The following USP32 variants were observed in gnomAD, a reference collection of about 807,000 sequenced individuals.
The protein encoded by USP32 is ubiquitin specific peptidase 32, also known as ubiquitin carboxyl-terminal hydrolase 32.
In USP32, 59 loss-of-function variants were observed where a neutral mutation model predicts 204.8. The ratio of observed to expected loss-of-function variants is 0.29; its 90% CI spans 0.23 to 0.36. The LOEUF is 0.36. USP32 is among the 10% of genes least tolerant of loss of function. USP32 has a pLI of 1.00. For synonymous variants in USP32, 517 were observed against 678.4 expected (o/e 0.76, Z 3.70); for missense variants, 1,160 against 1,946.4 (o/e 0.60, Z 7.60).
intron 1 of USP32, among the ~76,000 whole-genome samples, chr17:60,381,135 TATTAC>T (rs1451325033): frequency 6.6e-6 from 1 of 152,200 alleles, no homozygotes; most frequent in Non-Finnish European, 1.5e-5. Flanking sequence ...TAGTCCCATT[TATTAC>T]GTCAACATTT....
At chr17:60,392,765 G>A (rs1027749555), upstream of USP32, 7 of 320,108 alleles carry the variant, frequency 2.2e-5, no homozygotes, top group Non-Finnish European at 4.4e-5. Flanking sequence ...AGATCCCTGA[G>A]GAAAGTGGAC....
intron 22 of USP32, 22 bp from the exon 23 acceptor site, chr17:60,208,850 A>C: frequency 6.5e-7 from 1 of 1,536,092 alleles, no homozygotes; most frequent in Non-Finnish European, 8.7e-7. Context: ...AAAGATGAGA[A>C]TTTTCTCTCA....
At chr17:60,219,514 T>C (rs2085186381) in intron 16 of USP32, 156 bp downstream of exon 16, 1 of 940,922 alleles carries the variant, frequency 1.1e-6, no homozygotes, top group Non-Finnish European at 1.5e-6. Context: ...CTGATGGGAA[T>C]GTGTATCAAT....
intron 2 of USP32, among the ~76,000 whole-genome samples, chr17:60,306,999 G>A (rs936389367): frequency 1.3e-5 from 2 of 151,838 alleles, no homozygotes; most frequent in African/African-American, 4.8e-5. Context: ...TCTATAAAAG[G>A]AAAACTATAA....
At chr17:60,267,120 A>G (rs1395975049) in intron 7 of USP32, among the ~76,000 whole-genome samples, 2 of 150,796 alleles carry the variant, frequency 1.3e-5, no homozygotes, top group African/African-American at 4.9e-5. Context: ...AAAATATCCT[A>G]TTTACAGCTG....
chr17:60,377,612 T>G (rs1208305832), intron 1 of USP32, among the ~76,000 whole-genome samples: 1 of 152,240 alleles, frequency 6.6e-6, no homozygotes, highest in Non-Finnish European at 1.5e-5. Flanking sequence ...TATTAATGTT[T>G]GCTAATAAAT....
chr17:60,363,673 T>A (rs1047180566), intron 1 of USP32, among the ~76,000 whole-genome samples: 2 of 151,218 alleles, frequency 1.3e-5, no homozygotes, highest in Non-Finnish European at 2.9e-5. Context: ...TTTTTCAGGG[T>A]TTTTTGGTGG....
chr17:60,392,341 C>T, upstream of USP32: 2 of 285,316 alleles, frequency 7.0e-6, no homozygotes, highest in Non-Finnish European at 1.4e-5. Flanking sequence ...AAGCTAACCG[C>T]GCGCAGGAGC....
intron 2 of USP32, among the ~76,000 whole-genome samples, chr17:60,324,301 TA>T (rs2088180439): frequency 2.0e-5 from 3 of 150,416 alleles, no homozygotes; most frequent in African/African-American, 7.3e-5. Flanking sequence ...TATATATATA[TA>T]TTTTAATTAA....
chr17:60,368,780 A>G (rs2089370827), intron 1 of USP32, among the ~76,000 whole-genome samples: 1 of 152,158 alleles, frequency 6.6e-6, no homozygotes, highest in South Asian at 2.1e-4. Context: ...TGGCAACATT[A>G]TTAAGTTTTA....
chr17:60,185,374 C>A (rs1488593986), intron 30 of USP32, 86 bp downstream of exon 30: 5 of 1,456,314 alleles, frequency 3.4e-6, no homozygotes, highest in Non-Finnish European at 4.6e-6. Context: ...GTCTTATTCT[C>A]AAAAATAACA....
chr17:60,291,574 T>C (rs911556313), intron 4 of USP32, among the ~76,000 whole-genome samples: 3 of 150,656 alleles, frequency 2.0e-5, no homozygotes, highest in African/African-American at 7.4e-5. Flanking sequence ...TGTGTGTGTA[T>C]AAACACAAAA....
chr17:60,348,841 G>T (rs1285356365), intron 1 of USP32, among the ~76,000 whole-genome samples: 1 of 152,196 alleles, frequency 6.6e-6, no homozygotes, highest in Non-Finnish European at 1.5e-5. Context: ...TGGTAGGAAG[G>T]GGGGGTTCAT....
rs546144582 is a variant in USP32, at chr17:60,237,096, T to TA, written c.1137-857dup. Among the ~76,000 whole-genome samples the TA allele has an allele frequency of 7.6e-4, 111 of 145,824 alleles. 1 individual carries two copies. In the South Asian group the frequency reaches 0.013, roughly 17 times the overall value. Reference sequence around the variant, plus strand: ...GTGAAACACTGTTACACTGGGATTATAAAAAAAAAAATCTACTCTATCTAT... The same window carrying TA: ...GTGAAACACTGTTACACTGGGATTATAAAAAAAAAAAATCTACTCTATCTAT... On this transcript the variant is annotated intron_variant, in intron 11 of 33. Transcript: ENST00000300896.
chr17:60,340,253 C>T (rs556278904), intron 2 of USP32, among the ~76,000 whole-genome samples: 41 of 152,236 alleles, frequency 2.7e-4, no homozygotes, highest in Non-Finnish European at 4.4e-4. Context: ...TGAGTCTATC[C>T]ACCCACTAAA....
At chr17:60,295,629 T>G (rs898082054) in intron 3 of USP32, among the ~76,000 whole-genome samples, 1 of 152,214 alleles carries the variant, frequency 6.6e-6, no homozygotes, top group Admixed American at 6.5e-5. Flanking sequence ...CGCCTGTTAG[T>G]CACTTAGTGG....
intron 1 of USP32, among the ~76,000 whole-genome samples, chr17:60,403,233 G>A (rs1294023699): frequency 6.6e-6 from 1 of 152,148 alleles, no homozygotes; most frequent in Non-Finnish European, 1.5e-5. Flanking sequence ...GGCCAGGATG[G>A]TCTTGATCTC....
At chr17:60,368,802 C>T (rs916964314) in intron 1 of USP32, among the ~76,000 whole-genome samples, 10 of 151,888 alleles carry the variant, frequency 6.6e-5, no homozygotes, top group East Asian at 3.9e-4. Context: ...TACATATAAG[C>T]GAAAGTGTAC....
Position 60,246,711 on chromosome 17 carries a change from C to A in USP32, c.1136+5670G>T, listed in dbSNP as rs182862736. On this transcript the variant is annotated intron_variant, in intron 11 of 33. Coordinates refer to ENST00000300896, the MANE Select transcript of USP32 (RefSeq NM_032582.4). ...CACATCCTCATCAGAATCAGTTATT[C>A]TTTGTCTTTTTTATAATAGCCATTT... 1.7e-3 allele frequency among the ~76,000 whole-genome samples: 265 copies of A among 152,168 alleles called. 2 individuals carry two copies. Among genetic ancestry groups the A allele is most frequent in the Middle Eastern group, 6.8e-3 (2 of 294 alleles).
Sources: allele counts gnomAD v4.1 joint callset (sites outside exome capture counted in the v4.1 genomes callset), GRCh38; gene constraint gnomAD v4.1.1; transcripts MANE v1.5; gene names NCBI Gene and HGNC (gene_info 2026-07-23, HGNC 2026-07-21).